CDKAL1: variants seen among roughly 807,000 people sequenced by gnomAD.
CDKAL1 encodes CDKAL1 threonylcarbamoyladenosine tRNA methylthiotransferase.
A neutral mutation model predicts 68.2 loss-of-function variants in CDKAL1; 32 were observed. The ratio of observed to expected loss-of-function variants is 0.47; its 90% CI spans 0.35 to 0.63. The LOEUF is 0.63. Among genes scored for constraint, CDKAL1 ranks in the 30% least tolerant of loss-of-function variants. The pLI is 0.00. For synonymous variants in CDKAL1, 234 were observed against 244.3 expected, an observed-to-expected ratio of 0.96 and a Z score of 0.39; for missense variants, 606 against 696.7, an observed-to-expected ratio of 0.87 and a Z score of 1.47.
At chr6:21,129,668 T>G (rs200979120) in intron 13 of CDKAL1, among the ~76,000 whole-genome samples, 1 of 117,008 alleles carries the variant, frequency 8.5e-6, no homozygotes, top group East Asian at 2.6e-4. Flanking sequence ...CTATACATTC[T>G]GACTGCAGTT....
At chr6:20,702,012 G>A (rs1430137494) in intron 5 of CDKAL1, among the ~76,000 whole-genome samples, 2 of 152,100 alleles carry the variant, frequency 1.3e-5, no homozygotes, top group Non-Finnish European at 2.9e-5. Context: ...AGGAGGAAGC[G>A]GAAAGATGCC....
chr6:20,975,246 G>T (rs1162773776), intron 10 of CDKAL1, among the ~76,000 whole-genome samples: 1 of 152,116 alleles, frequency 6.6e-6, no homozygotes, highest in Non-Finnish European at 1.5e-5. Flanking sequence ...AGATATCCTT[G>T]CCTTGTAGAT....
chr6:21,088,239 G>C (rs1429625018), intron 12 of CDKAL1, among the ~76,000 whole-genome samples: 1 of 152,256 alleles, frequency 6.6e-6, no homozygotes, highest in South Asian at 2.1e-4. Flanking sequence ...AGTACTTCCA[G>C]GATCTGGGTC....
chr6:20,910,461 A>G (rs757113913), intron 9 of CDKAL1, among the ~76,000 whole-genome samples: 28 of 152,308 alleles, frequency 1.8e-4, no homozygotes, highest in Admixed American at 1.5e-3. Context: ...CTATCTGGCA[A>G]CCTTTCCTGT....
At chr6:20,632,322 C>G (rs745525440) in intron 4 of CDKAL1, among the ~76,000 whole-genome samples, 2 of 152,160 alleles carry the variant, frequency 1.3e-5, no homozygotes, top group Non-Finnish European at 2.9e-5. Context: ...CTCGAGAGAG[C>G]GTTGTAGTGC....
chr6:20,762,974 G>T (rs1448212172), intron 7 of CDKAL1, among the ~76,000 whole-genome samples: 1 of 152,124 alleles, frequency 6.6e-6, no homozygotes, highest in Admixed American at 6.6e-5. Context: ...CAACTGTGCT[G>T]CTTGATGTTT....
At chr6:21,004,081 G>A (rs1244133468) in intron 11 of CDKAL1, among the ~76,000 whole-genome samples, 1 of 151,996 alleles carries the variant, frequency 6.6e-6, no homozygotes, top group Non-Finnish European at 1.5e-5. Context: ...TTCCTGATCT[G>A]TTTCCTTAAA....
At chr6:21,115,236 A>G (rs966978759) in intron 13 of CDKAL1, among the ~76,000 whole-genome samples, 8 of 152,248 alleles carry the variant, frequency 5.3e-5, no homozygotes, top group Non-Finnish European at 8.8e-5. Flanking sequence ...TTGAAGAATA[A>G]TGGCCATTTG....
chr6:20,945,246 T>A (rs1212984115), intron 9 of CDKAL1, among the ~76,000 whole-genome samples: 1 of 152,128 alleles, frequency 6.6e-6, no homozygotes, highest in Non-Finnish European at 1.5e-5. Flanking sequence ...CTTTTTTGAG[T>A]GCCAACATGA....
chr6:20,540,012 A>G (rs187401349), intron 2 of CDKAL1, among the ~76,000 whole-genome samples: 46 of 151,882 alleles, frequency 3.0e-4, no homozygotes, highest in Non-Finnish European at 5.6e-4. Flanking sequence ...GATTGATTGG[A>G]TTTAGGGTGA....
intron 4 of CDKAL1, among the ~76,000 whole-genome samples, chr6:20,613,573 C>T (rs1198720528): frequency 6.7e-6 from 1 of 150,332 alleles, no homozygotes; most frequent in East Asian, 1.9e-4. Context: ...CCATGCCTGG[C>T]TGCGACAAAG....
intron 5 of CDKAL1, among the ~76,000 whole-genome samples, chr6:20,680,770 T>G (rs1227622100): frequency 1.3e-5 from 2 of 152,240 alleles, no homozygotes; most frequent in Non-Finnish European, 2.9e-5. Context: ...CAGGGCACTT[T>G]CGGGTCATGC....
chr6:20,875,260 C>A (rs1760446078), intron 9 of CDKAL1, among the ~76,000 whole-genome samples: 1 of 141,878 alleles, frequency 7.0e-6, no homozygotes. Flanking sequence ...GATTGCGCCA[C>A]TGCAGTCCGC....
At chr6:20,697,287 A>G (rs558787660) in intron 5 of CDKAL1, among the ~76,000 whole-genome samples, 1 of 152,194 alleles carries the variant, frequency 6.6e-6, no homozygotes, top group Non-Finnish European at 1.5e-5. Context: ...ATAGAGCATC[A>G]TTGTTGGAAA....
At chr6:20,816,813 G>A (rs1218163483) in intron 8 of CDKAL1, among the ~76,000 whole-genome samples, 1 of 152,076 alleles carries the variant, frequency 6.6e-6, no homozygotes, top group East Asian at 1.9e-4. Flanking sequence ...TTTCTCATTT[G>A]TTGAACAAAT....
intron 5 of CDKAL1, among the ~76,000 whole-genome samples, chr6:20,695,197 G>A (rs1771055863): frequency 6.6e-6 from 1 of 152,108 alleles, no homozygotes; most frequent in African/African-American, 2.4e-5. Flanking sequence ...GGAAAAACAA[G>A]TTGTCTATGG....
chr6:20,549,318 C>T (rs958033582), intron 4 of CDKAL1, among the ~76,000 whole-genome samples: 10 of 152,082 alleles, frequency 6.6e-5, no homozygotes, highest in Non-Finnish European at 1.0e-4. Context: ...AAGCAGAGAA[C>T]AGAAGCGATA....
At chr6:20,715,129 T>A (rs188357282) in intron 5 of CDKAL1, among the ~76,000 whole-genome samples, 162 of 152,330 alleles carry the variant, frequency 1.1e-3, no homozygotes, top group African/African-American at 3.7e-3. Flanking sequence ...CTATAGTCCT[T>A]ATGTTATACA....
At chr6:20,752,765 C>T (rs544996401) in intron 6 of CDKAL1, among the ~76,000 whole-genome samples, 1 of 152,198 alleles carries the variant, frequency 6.6e-6, no homozygotes, top group African/African-American at 2.4e-5. Context: ...CACTATAGTA[C>T]AATTATCAGT....
Sources: gnomAD v4.1 joint callset for allele counts (sites outside exome capture counted in the v4.1 genomes callset) on GRCh38, gnomAD v4.1.1 for gene constraint, MANE v1.5 for transcripts, NCBI Gene and HGNC (gene_info 2026-07-23, HGNC 2026-07-21) for gene names.